The following TAB2 variants were observed in gnomAD, a reference collection of about 807,000 sequenced individuals.
TAB2 encodes the protein TGF-beta activated kinase 1 (MAP3K7) binding protein 2.
Under a neutral mutation model 65.0 loss-of-function variants are expected in TAB2, and 3 were observed. The ratio of observed to expected loss-of-function variants is 0.05; its 90% CI spans 0.02 to 0.12. TAB2 has a LOEUF of 0.12. Among genes scored for constraint, TAB2 ranks in the 10% least tolerant of loss-of-function variants. TAB2 has a pLI of 1.00. For synonymous variants in TAB2, 298 were observed against 285.1 expected (o/e 1.05, Z -0.46); for missense variants, 623 against 840.3 (o/e 0.74, Z 3.20).
chr6:149,291,921 G>A (rs1020254053), intron 1 of TAB2, among the ~76,000 whole-genome samples: 1 of 152,254 alleles, frequency 6.6e-6, no homozygotes, highest in African/African-American at 2.4e-5. Context: ...CTAGGAGAAT[G>A]AGTACTAATC....
At chr6:149,224,359 T>A (rs1262626846) in intron 1 of TAB2, among the ~76,000 whole-genome samples, 4 of 152,154 alleles carry the variant, frequency 2.6e-5, no homozygotes, top group Non-Finnish European at 5.9e-5. Flanking sequence ...TTAGCAAAAA[T>A]TCATTAATTT....
intron 3 of TAB2, among the ~76,000 whole-genome samples, chr6:149,388,988 C>G (rs1781894141): frequency 7.5e-6 from 1 of 133,524 alleles, no homozygotes; most frequent in African/African-American, 2.9e-5. Flanking sequence ...TCGAGTCTTG[C>G]TCTGTCACCC....
chr6:149,281,273 G>A (rs1371086540), intron 1 of TAB2, among the ~76,000 whole-genome samples: 6 of 152,054 alleles, frequency 3.9e-5, no homozygotes, highest in Admixed American at 3.9e-4. Flanking sequence ...TTATTGTAAG[G>A]TTCTTATACT....
At chr6:149,318,259 C>T (rs1013864531) in intron 1 of TAB2, among the ~76,000 whole-genome samples, 1 of 133,730 alleles carries the variant, frequency 7.5e-6, no homozygotes, top group Admixed American at 7.6e-5. Flanking sequence ...GGCCTGGGCT[C>T]CGGGGCGTCC....
intron 3 of TAB2, among the ~76,000 whole-genome samples, chr6:149,396,359 T>G (rs1204801888): frequency 6.6e-6 from 1 of 152,158 alleles, no homozygotes; most frequent in Non-Finnish European, 1.5e-5. Flanking sequence ...CTTTCAGAAC[T>G]CTTCTTTCAT....
Position 149,256,227 on chromosome 6 carries a change from T to C in TAB2, c.-121+37451T>C, listed in dbSNP as rs1480197489. 5.9e-5 allele frequency among the ~76,000 whole-genome samples: 9 copies of C among 152,372 alleles called. No individual in the cohort carries two copies. The South Asian group carries it at 1.0e-3, about 18-fold the overall frequency. ...TACAATAATTCATCTTAAAATATTATATAATAACTTCATCTCAAAACAATA... is the reference window on the plus strand; with the variant it reads ...TACAATAATTCATCTTAAAATATTACATAATAACTTCATCTCAAAACAATA... On this transcript the variant is annotated intron_variant, in intron 1 of 1. Transcript: ENST00000606202.
At chr6:149,304,766 G>A (rs1432368183) in intron 1 of TAB2, among the ~76,000 whole-genome samples, 2 of 152,102 alleles carry the variant, frequency 1.3e-5, no homozygotes, top group African/African-American at 4.8e-5. Context: ...AAGTGGCTTA[G>A]TACAGTCCTC....
chr6:149,229,003 A>T (rs1583033552), intron 1 of TAB2, among the ~76,000 whole-genome samples: 1 of 152,208 alleles, frequency 6.6e-6, no homozygotes, highest in Admixed American at 6.5e-5. Context: ...TGAGAAATGG[A>T]AAAAAGGGGG....
intron 1 of TAB2, among the ~76,000 whole-genome samples, chr6:149,335,002 TC>T (rs2114762826): frequency 6.6e-6 from 1 of 152,258 alleles, no homozygotes; most frequent in East Asian, 1.9e-4. Context: ...GTTTACTTGT[TC>T]CAGTCCCACC....
At chr6:149,262,183 C>T (rs1461734029) in intron 1 of TAB2, among the ~76,000 whole-genome samples, 1 of 152,204 alleles carries the variant, frequency 6.6e-6, no homozygotes, top group Non-Finnish European at 1.5e-5. Flanking sequence ...ATGATAGCCA[C>T]ACTCCTATAC....
intron 6 of TAB2, among the ~76,000 whole-genome samples, chr6:149,406,295 A>G (rs182144267): frequency 2.6e-5 from 4 of 152,352 alleles, no homozygotes; most frequent in Admixed American, 2.6e-4. Context: ...CTAGGAAAGT[A>G]TGAATTATGG....
At chr6:149,352,318 A>C (rs1243670688) in intron 1 of TAB2, among the ~76,000 whole-genome samples, 2 of 152,106 alleles carry the variant, frequency 1.3e-5, no homozygotes, top group Non-Finnish European at 2.9e-5. Flanking sequence ...TTGTACATCT[A>C]CATTTTCCTA....
chr6:149,267,267 A>C (rs1000891769), intron 1 of TAB2, among the ~76,000 whole-genome samples: 1 of 152,134 alleles, frequency 6.6e-6, no homozygotes, highest in Admixed American at 6.5e-5. Flanking sequence ...GGCAAACAGG[A>C]AACAGCATCC....
intron 1 of TAB2, chr6:149,318,744 T>C (rs989743237): frequency 6.6e-6 from 1 of 152,294 alleles, no homozygotes; most frequent in African/African-American, 2.4e-5. Context: ...TGCTGTGAGA[T>C]GTTCAGGCAC....
rs1008372835 is a variant in TAB2 at position 149,287,483 on chromosome 6, T to TG, written c.-121+68707_-121+68708insG. On this transcript the variant is annotated intron_variant, in intron 1 of 1. Transcript: ENST00000606202. Reference sequence around the variant, plus strand: ...TATAACAAGCAAACTTTGTTTTCTGTTTTTTTTTTTAAAAAGAAAGTATTA... The same window carrying TG: ...TATAACAAGCAAACTTTGTTTTCTGTGTTTTTTTTTTAAAAAGAAAGTATTA... 2.7e-3 allele frequency among the ~76,000 whole-genome samples: 11 copies of TG among 4,082 alleles called. No individual in the cohort carries two copies. The East Asian group carries it at 0.2, about 73-fold the overall frequency. The allele number at this position is 4,082 out of a possible 152,430, so 2.7% of individuals were successfully genotyped here. A position where few individuals can be genotyped will look rare whatever the true frequency, so the allele number is the denominator to read the frequency against.
At chr6:149,379,584 C>A in intron 3 of TAB2, 66 bp downstream of exon 3, 2 of 1,458,732 alleles carry the variant, frequency 1.4e-6, no homozygotes, top group Non-Finnish European at 9.6e-7. Flanking sequence ...TTTGATTTCA[C>A]AACAGAAATG....
intron 2 of TAB2, among the ~76,000 whole-genome samples, chr6:149,377,067 C>CTT (rs1260838675): frequency 7.0e-6 from 1 of 143,610 alleles, no homozygotes; most frequent in African/African-American, 2.6e-5. Context: ...ACAAATGTAA[C>CTT]TTATTTTTTT....
chr6:149,373,944 C>A (rs767184346), intron 2 of TAB2, among the ~76,000 whole-genome samples: 2 of 152,030 alleles, frequency 1.3e-5, no homozygotes, highest in African/African-American at 4.8e-5. Flanking sequence ...TGTCGTATAC[C>A]GAGGAGCCAA....
intron 3 of TAB2, among the ~76,000 whole-genome samples, chr6:149,385,691 G>T (rs1781768831): frequency 6.6e-6 from 1 of 152,110 alleles, no homozygotes; most frequent in South Asian, 2.1e-4. Context: ...AGGTTATCCA[G>T]TCCACGTACC....
Sources: gnomAD v4.1 joint callset for allele counts (sites outside exome capture counted in the v4.1 genomes callset) on GRCh38, gnomAD v4.1.1 for gene constraint, MANE v1.5 for transcripts, NCBI Gene and HGNC (gene_info 2026-07-23, HGNC 2026-07-21) for gene names.